Variants in PRKCE observed in about 807,000 individuals in gnomAD.
PRKCE encodes the protein protein kinase C epsilon.
PRKCE carries 16 observed loss-of-function variants against 85.4 expected under a neutral mutation model. The ratio of observed to expected loss-of-function variants is 0.19; its 90% CI spans 0.13 to 0.28. PRKCE has a LOEUF of 0.28. Ranked by LOEUF, PRKCE falls within the 10% of genes least tolerant of loss-of-function variation. The pLI is 1.00. For missense variants in PRKCE, 573 were observed against 975.2 expected (o/e 0.59, Z 5.49); for synonymous variants, 388 against 371.5 (o/e 1.04, Z -0.51).
At chr2:45,861,140 C>G (rs1159626409) in intron 2 of PRKCE, among the ~76,000 whole-genome samples, 1 of 152,122 alleles carries the variant, frequency 6.6e-6, no homozygotes, top group Non-Finnish European at 1.5e-5. Flanking sequence ...GGTTTTCTGG[C>G]TGGGAAAACA....
chr2:46,098,569 C>A (rs927921279), intron 11 of PRKCE, among the ~76,000 whole-genome samples: 1 of 152,072 alleles, frequency 6.6e-6, no homozygotes, highest in Non-Finnish European at 1.5e-5. Flanking sequence ...TTAGAGGCCT[C>A]CAAACAAGGG....
chr2:45,663,989 C>T (rs762365756), intron 1 of PRKCE, among the ~76,000 whole-genome samples: 4 of 152,158 alleles, frequency 2.6e-5, no homozygotes, highest in Non-Finnish European at 4.4e-5. Flanking sequence ...ATCTAGCCAA[C>T]CAGCCATTCA....
intron 10 of PRKCE, among the ~76,000 whole-genome samples, chr2:46,074,623 T>G (rs1668389668): frequency 6.6e-6 from 1 of 152,082 alleles, no homozygotes; most frequent in Non-Finnish European, 1.5e-5. Flanking sequence ...AGGTTTTGCT[T>G]TTTCTGTTGG....
intron 11 of PRKCE, among the ~76,000 whole-genome samples, chr2:46,117,802 G>C (rs906322716): frequency 6.6e-6 from 1 of 152,218 alleles, no homozygotes. Flanking sequence ...TTGCCATAAT[G>C]TGGAGCCAGG....
At chr2:46,074,429 C>CAAAAAAAAAA (rs11287357) in intron 10 of PRKCE, among the ~76,000 whole-genome samples, 63 of 93,690 alleles carry the variant, frequency 6.7e-4, no homozygotes, top group Non-Finnish European at 8.8e-4. Context: ...CAACAACAAC[C>CAAAAAAAAAA]AAAAAAAAAA....
At chr2:45,925,876 C>T (rs1019829018) in intron 2 of PRKCE, among the ~76,000 whole-genome samples, 1 of 152,228 alleles carries the variant, frequency 6.6e-6, no homozygotes, top group Non-Finnish European at 1.5e-5. Flanking sequence ...AAAGGTTTTG[C>T]ATAAGCAGAT....
intron 1 of PRKCE, among the ~76,000 whole-genome samples, chr2:45,741,759 C>T (rs1682595743): frequency 6.6e-6 from 1 of 152,138 alleles, no homozygotes. Context: ...TGCTGGATTA[C>T]CCAGGAAAGC....
At chr2:45,892,437 G>A (rs1695799909) in intron 2 of PRKCE, among the ~76,000 whole-genome samples, 1 of 152,030 alleles carries the variant, frequency 6.6e-6, no homozygotes, top group South Asian at 2.1e-4. Context: ...AAAATAACTA[G>A]GAACAGGAAA....
chr2:46,163,186 A>C (rs1677947290), intron 14 of PRKCE, among the ~76,000 whole-genome samples: 1 of 152,268 alleles, frequency 6.6e-6, no homozygotes, highest in Non-Finnish European at 1.5e-5. Context: ...TACCACAGGC[A>C]AAACAGATGG....
chr2:45,664,371 G>A (rs1558536036), intron 1 of PRKCE, among the ~76,000 whole-genome samples: 2 of 152,178 alleles, frequency 1.3e-5, no homozygotes, highest in African/African-American at 4.8e-5. Context: ...GGGAATAATA[G>A]CTACCTTATA....
chr2:46,128,694 GC>G (rs1265080755), intron 11 of PRKCE, among the ~76,000 whole-genome samples: 1 of 152,144 alleles, frequency 6.6e-6, no homozygotes, highest in Non-Finnish European at 1.5e-5. Context: ...TTTTCCAGTG[GC>G]CCCAAAGATA....
intron 1 of PRKCE, among the ~76,000 whole-genome samples, chr2:45,654,377 G>C (rs776052658): frequency 6.6e-5 from 10 of 152,228 alleles, no homozygotes; most frequent in Admixed American, 1.3e-4. Context: ...AATTCATGTT[G>C]GATTTGGCCC....
intron 1 of PRKCE, among the ~76,000 whole-genome samples, chr2:45,807,926 C>A (rs1006463548): frequency 2.0e-5 from 3 of 151,972 alleles, no homozygotes; most frequent in South Asian, 4.2e-4. Context: ...CCAGACTGGT[C>A]TCCCTTTTGA....
In PRKCE at chr2:45,905,089, CT is replaced by C. The variant is rs1433624391; in HGVS notation, c.412+62027del. 6.6e-6 allele frequency among the ~76,000 whole-genome samples: 1 copy of C among 152,254 alleles called. No individual in the cohort carries two copies. The highest frequency in any genetic ancestry group is 2.4e-5 in the African/African-American group (1 of 41,468). On this transcript the variant is annotated intron_variant, in intron 2 of 14. Coordinates refer to ENST00000306156, the MANE Select transcript of PRKCE (RefSeq NM_005400.3). This position sits in a 1 kb window ranked among gnomAD's most constrained non-coding sequence, Gnocchi z 4.4. The stretch of plus-strand genomic sequence containing the variant: ...GTGTTAATCACACCACTGGTGCTTG[CT>C]GTATCCTATGGCAACAGCAGCTCCT...
intron 10 of PRKCE, among the ~76,000 whole-genome samples, chr2:46,014,034 T>C (rs990364223): frequency 6.6e-6 from 1 of 152,156 alleles, no homozygotes; most frequent in African/African-American, 2.4e-5. Context: ...TGAAGAGAGA[T>C]TTGGGCTTTT....
chr2:46,133,234 C>T (rs1457044475), intron 11 of PRKCE, among the ~76,000 whole-genome samples: 1 of 152,214 alleles, frequency 6.6e-6, no homozygotes, highest in African/African-American at 2.4e-5. Context: ...GGTCCTTTAG[C>T]TGGAGTGGCC....
At chr2:45,703,665 C>A (rs918784985) in intron 1 of PRKCE, among the ~76,000 whole-genome samples, 6 of 152,072 alleles carry the variant, frequency 3.9e-5, no homozygotes, top group Non-Finnish European at 7.4e-5. Context: ...CTGCATGGAA[C>A]TGATTCTTCT....
chr2:46,133,258 C>G (rs1674641425), intron 11 of PRKCE, among the ~76,000 whole-genome samples: 1 of 152,162 alleles, frequency 6.6e-6, no homozygotes, highest in Non-Finnish European at 1.5e-5. Flanking sequence ...TCTGTGATGA[C>G]AGAGTGCTGG....
intron 2 of PRKCE, among the ~76,000 whole-genome samples, chr2:45,942,465 T>A (rs1699953067): frequency 6.6e-6 from 1 of 152,220 alleles, no homozygotes; most frequent in South Asian, 2.1e-4. Context: ...GTTATTATAA[T>A]TAATGTTGTC....
Sources: gnomAD v4.1 joint callset for allele counts (sites outside exome capture counted in the v4.1 genomes callset) on GRCh38, gnomAD v4.1.1 for gene constraint, Gnocchi (gnomAD v3.1) non-coding constraint, MANE v1.5 for transcripts, NCBI Gene and HGNC (gene_info 2026-07-23, HGNC 2026-07-21) for gene names.